The following MARCHF1 variants were observed in gnomAD, a reference collection of about 807,000 sequenced individuals.
The protein encoded by MARCHF1 is E3 ubiquitin-protein ligase MARCHF1.
A neutral mutation model predicts 54.2 loss-of-function variants in MARCHF1; 40 were observed. That is an observed-to-expected ratio of 0.74 (90% CI 0.57 to 0.96). The LOEUF (loss-of-function observed/expected upper bound fraction) is 0.96. MARCHF1 is among the 40% of genes least tolerant of loss of function. The pLI, the probability that MARCHF1 is intolerant of heterozygous loss-of-function variation, is 0.00. For synonymous variants in MARCHF1, 236 were observed against 236.3 expected, an observed-to-expected ratio of 1.00 and a Z score of 0.01; for missense variants, 586 against 656.5, an observed-to-expected ratio of 0.89 and a Z score of 1.17.
At chr4:164,361,753 AACTT>A (rs1251415599) in intron 1 of MARCHF1, among the ~76,000 whole-genome samples, 5 of 152,208 alleles carry the variant, frequency 3.3e-5, no homozygotes, top group African/African-American at 7.2e-5. Context: ...TTTAAATGAT[AACTT>A]ACTAAGGAAG....
intron 5 of MARCHF1, among the ~76,000 whole-genome samples, chr4:163,635,258 T>G (rs1360775843): frequency 1.7e-5 from 2 of 118,228 alleles, no homozygotes; most frequent in Non-Finnish European, 3.3e-5. Context: ...AGAGCAGAAC[T>G]GAAGGAAATA....
intron 2 of MARCHF1, among the ~76,000 whole-genome samples, chr4:164,111,199 G>A (rs1212444264): frequency 1.3e-5 from 2 of 151,610 alleles, no homozygotes. Context: ...TCCATATTTA[G>A]CTACCTTCAT....
intron 1 of MARCHF1, among the ~76,000 whole-genome samples, chr4:164,309,004 G>C (rs1168864662): frequency 6.6e-6 from 1 of 151,736 alleles, no homozygotes; most frequent in Non-Finnish European, 1.5e-5. Flanking sequence ...ATATAGCTCA[G>C]GGTTACATAA....
chr4:164,010,528 T>A (rs931241535), intron 2 of MARCHF1, among the ~76,000 whole-genome samples: 1 of 151,962 alleles, frequency 6.6e-6, no homozygotes, highest in Non-Finnish European at 1.5e-5. Flanking sequence ...TTATATTACC[T>A]ACAGACAAAA....
chr4:163,856,432 A>C (rs1165684229), intron 3 of MARCHF1, among the ~76,000 whole-genome samples: 1 of 152,202 alleles, frequency 6.6e-6, no homozygotes, highest in African/African-American at 2.4e-5. Flanking sequence ...CAAAGTTTAT[A>C]ATTTAGTTTG....
At chr4:163,780,622 T>G (rs200728578) in intron 4 of MARCHF1, among the ~76,000 whole-genome samples, 1 of 151,978 alleles carries the variant, frequency 6.6e-6, no homozygotes, top group Non-Finnish European at 1.5e-5. Context: ...ATTATGGCTT[T>G]ATTTTACCAG....
At chr4:163,821,737 A>T (rs1748697933) in intron 4 of MARCHF1, among the ~76,000 whole-genome samples, 1 of 151,936 alleles carries the variant, frequency 6.6e-6, no homozygotes, top group East Asian at 1.9e-4. Context: ...TGAAGGTGGA[A>T]AATTACAGCT....
At chr4:163,663,982 A>G (rs1239327520) in intron 5 of MARCHF1, among the ~76,000 whole-genome samples, 1 of 152,050 alleles carries the variant, frequency 6.6e-6, no homozygotes, top group East Asian at 1.9e-4. Flanking sequence ...ACAGCTGACA[A>G]ATGCAATCAG....
intron 2 of MARCHF1, among the ~76,000 whole-genome samples, chr4:164,035,741 A>G (rs1753980588): frequency 6.6e-6 from 1 of 151,744 alleles, no homozygotes; most frequent in South Asian, 2.1e-4. Context: ...CCTGGTTCCA[A>G]GTAAACTTTA....
At chr4:164,068,436 G>A (rs986456065) in intron 2 of MARCHF1, among the ~76,000 whole-genome samples, 1 of 152,186 alleles carries the variant, frequency 6.6e-6, no homozygotes. Flanking sequence ...TGCGGCGCTT[G>A]TGGGCCAGCA....
chr4:163,684,651 G>A (rs74987004), intron 5 of MARCHF1, among the ~76,000 whole-genome samples: 4,582 of 152,148 alleles, frequency 0.03, 82 homozygotes, highest in East Asian at 0.078. Context: ...CTTGTTACCA[G>A]CATTGCTTAA....
At position 163,612,792 on chromosome 4, in the gene MARCHF1, A is replaced by G. The variant is rs1048119724; in HGVS notation, c.489T>C (p.Ser163=). 1.3e-6 allele frequency: 2 copies of G among 1,535,236 alleles called. No homozygotes were observed. The highest frequency in any genetic ancestry group is 2.7e-5 in the African/African-American group (2 of 72,938). The part of the protein sequence containing the change: ...RELYTDSSDS[S]STDESHWIQA... ...GAATCCAATGACTCTCATCTGTGGAAGATGAATCTGAAGAATCTGTGTAAA... is the reference window on the plus strand; with the variant it reads ...GAATCCAATGACTCTCATCTGTGGAGGATGAATCTGAAGAATCTGTGTAAA... The change falls in exon 7 of 10, where the codon TCT becomes TCC. Residue 163 remains serine, a synonymous_variant. Transcript: ENST00000514618.
chr4:164,197,886 C>A (rs893221360), intron 1 of MARCHF1, among the ~76,000 whole-genome samples: 3 of 152,084 alleles, frequency 2.0e-5, no homozygotes, highest in African/African-American at 7.2e-5. Flanking sequence ...CTGGGTCAAG[C>A]AGAACAATTA....
At chr4:163,652,977 G>C (rs1445472893) in intron 5 of MARCHF1, among the ~76,000 whole-genome samples, 4 of 151,786 alleles carry the variant, frequency 2.6e-5, no homozygotes, top group South Asian at 2.1e-4. Flanking sequence ...ATTATCAAAG[G>C]GGGGAAGGTT....
intron 8 of MARCHF1, among the ~76,000 whole-genome samples, chr4:163,565,023 T>C (rs1277631119): frequency 6.6e-6 from 1 of 152,190 alleles, no homozygotes; most frequent in African/African-American, 2.4e-5. Context: ...AAGTGGGTGA[T>C]ATTAAGCTCA....
intron 1 of MARCHF1, among the ~76,000 whole-genome samples, chr4:164,350,793 C>G (rs1172045591): frequency 6.6e-6 from 1 of 152,146 alleles, no homozygotes; most frequent in Admixed American, 6.5e-5. Flanking sequence ...CTCCGGTCTA[C>G]AGCTCCCAGC....
At chr4:163,854,649 A>C (rs1749721555) in intron 3 of MARCHF1, among the ~76,000 whole-genome samples, 1 of 152,154 alleles carries the variant, frequency 6.6e-6, no homozygotes, top group Non-Finnish European at 1.5e-5. Context: ...CAGTGCCATG[A>C]TTTTCTCTCT....
intron 2 of MARCHF1, among the ~76,000 whole-genome samples, chr4:164,083,227 C>T (rs1295881827): frequency 6.6e-6 from 1 of 151,990 alleles, no homozygotes; most frequent in Admixed American, 6.6e-5. Context: ...ATGGTCTCTG[C>T]GGGGTGGTGA....
intron 1 of MARCHF1, among the ~76,000 whole-genome samples, chr4:164,147,819 T>C (rs6842418): frequency 0.18 from 26,373 of 149,634 alleles, 3,515 homozygotes; most frequent in African/African-American, 0.37. Context: ...ACTTAAAGTA[T>C]AATAATAAAA....
Sources: gnomAD v4.1 joint callset for allele counts (sites outside exome capture counted in the v4.1 genomes callset) on GRCh38, gnomAD v4.1.1 for gene constraint, MANE v1.5 for transcripts, NCBI Gene and HGNC (gene_info 2026-07-23, HGNC 2026-07-21) for gene names.